DHX40: variants seen among roughly 807,000 people sequenced by gnomAD.
The protein encoded by DHX40 is DEAH-box helicase 40.
DHX40 carries 28 observed loss-of-function variants against 89.6 expected under a neutral mutation model. The ratio of observed to expected loss-of-function variants is 0.31; its 90% CI spans 0.23 to 0.43. DHX40 has a LOEUF of 0.43. Among genes scored for constraint, DHX40 ranks in the 20% least tolerant of loss-of-function variants. The pLI is 1.00. For missense variants in DHX40, 457 were observed against 844.0 expected, an observed-to-expected ratio of 0.54 and a Z score of 5.68; for synonymous variants, 226 against 283.6, an observed-to-expected ratio of 0.80 and a Z score of 2.04.
chr17:59,601,117 C>G (rs2030492793), intron 14 of DHX40, among the ~76,000 whole-genome samples: 1 of 147,378 alleles, frequency 6.8e-6, no homozygotes, highest in Non-Finnish European at 1.5e-5. Flanking sequence ...CCAGCCTGGG[C>G]AACACAGTGA....
chr17:59,601,098 A>G (rs2030490852), intron 14 of DHX40, among the ~76,000 whole-genome samples: 1 of 151,116 alleles, frequency 6.6e-6, no homozygotes, highest in African/African-American at 2.4e-5. Context: ...GAGCCCAGCA[A>G]GTTTGAGACC....
chr17:59,586,079 T>C (rs1215883694), intron 10 of DHX40, 74 bp from the exon 11 acceptor site: 15 of 1,042,174 alleles, frequency 1.4e-5, no homozygotes, highest in Non-Finnish European at 2.0e-5. Context: ...TTAAAGAAAT[T>C]TTCGTCATGT....
At chr17:59,586,461 G>A (rs1373323773) in intron 11 of DHX40, among the ~76,000 whole-genome samples, 1 of 151,876 alleles carries the variant, frequency 6.6e-6, no homozygotes, top group Non-Finnish European at 1.5e-5. Context: ...AGGAGATCGA[G>A]ACCATCCTGG....
chr17:59,588,078 T>C (rs756751354), intron 12 of DHX40, 25 bp downstream of exon 12: 4 of 1,610,826 alleles, frequency 2.5e-6, no homozygotes, highest in Non-Finnish European at 2.5e-6. Flanking sequence ...TTAAGTTGTG[T>C]TTTTTAAAAC....
At chr17:59,569,682 T>A (rs1425283750) in intron 2 of DHX40, among the ~76,000 whole-genome samples, 4 of 139,462 alleles carry the variant, frequency 2.9e-5, no homozygotes, top group Non-Finnish European at 4.5e-5. Flanking sequence ...CAATACTCCG[T>A]CTCAAAAAAG....
At chr17:59,586,984 C>G (rs1161749780) in intron 11 of DHX40, among the ~76,000 whole-genome samples, 1 of 152,032 alleles carries the variant, frequency 6.6e-6, no homozygotes, top group Non-Finnish European at 1.5e-5. Flanking sequence ...TAAAACCCAT[C>G]TCTACTGAAA....
At chr17:59,583,607 G>A (rs1486168963) in intron 10 of DHX40, among the ~76,000 whole-genome samples, 1 of 142,640 alleles carries the variant, frequency 7.0e-6, no homozygotes, top group African/African-American at 2.4e-5. Flanking sequence ...TAGGCCGGGT[G>A]CGGTGGCTCA....
chr17:59,588,151 C>G (rs2049025719), intron 12 of DHX40, 98 bp downstream of exon 12: 12 of 1,512,594 alleles, frequency 7.9e-6, no homozygotes, highest in Non-Finnish European at 1.1e-5. Flanking sequence ...GAGGGCAAGG[C>G]AGGTGGATTG....
intron 12 of DHX40, 142 bp downstream of exon 12, chr17:59,588,195 A>G: frequency 1.1e-6 from 1 of 936,490 alleles, no homozygotes; most frequent in Non-Finnish European, 1.5e-6. Flanking sequence ...CAGCCTTACC[A>G]ACATGGTAAA....
At chr17:59,570,497 C>T (rs2048791268) in intron 2 of DHX40, 21 bp from the exon 3 acceptor site, 1 of 1,577,828 alleles carries the variant, frequency 6.3e-7, no homozygotes, top group African/African-American at 1.4e-5. Context: ...TGTTGTGTTT[C>T]TTTATCTCTG....
rs916516711 is a variant in DHX40 at position 59,565,636 on chromosome 17, C to A, written c.-36C>A. ...TCTTTCCCCTCCCATCTCCTCAGAT[C>A]GGTGGACGTGCTCGCCTCCACTCGG... On this transcript the variant is annotated 5_prime_UTR_variant, in exon 1 of 18. Coordinates refer to ENST00000251241, the MANE Select transcript of DHX40 (RefSeq NM_024612.5). 4 of 1,570,018 alleles carry A rather than the reference C, an allele frequency of 2.5e-6. No individual in the cohort carries two copies. Among genetic ancestry groups the A allele is most frequent in the South Asian group, 1.1e-5 (1 of 88,964 alleles).
At chr17:59,565,829 G>C in intron 1 of DHX40, 46 bp downstream of exon 1, 1 of 1,507,288 alleles carries the variant, frequency 6.6e-7, no homozygotes. Flanking sequence ...GTTACGGCGT[G>C]GGGGTTTTGG....
intron 7 of DHX40, among the ~76,000 whole-genome samples, chr17:59,576,563 A>T (rs2048884438): frequency 6.6e-6 from 1 of 152,122 alleles, no homozygotes; most frequent in East Asian, 1.9e-4. Flanking sequence ...CTATTTTGGA[A>T]ATCTTTTTTA....
At chr17:59,578,990 A>G (rs571049050) in intron 8 of DHX40, among the ~76,000 whole-genome samples, 3,284 of 134,156 alleles carry the variant, frequency 0.024, 113 homozygotes, top group African/African-American at 0.063. Context: ...GTGTGTGTGT[A>G]TATATATATA....
intron 12 of DHX40, among the ~76,000 whole-genome samples, chr17:59,594,975 C>T (rs2029930587): frequency 6.6e-6 from 1 of 152,128 alleles, no homozygotes; most frequent in Admixed American, 6.5e-5. Context: ...AGATGTCTCT[C>T]TAGAAAAGAA....
chr17:59,570,151 ATAATACATATAATATGTTATATAT>A (rs2048777701), intron 2 of DHX40, among the ~76,000 whole-genome samples: 1 of 128,736 alleles, frequency 7.8e-6, no homozygotes, highest in South Asian at 2.1e-4. Context: ...TATAAATTAT[ATAATACATATAATATGTTATATAT>A]TAATATATAT....
chr17:59,574,438 G>C (rs2048852146), intron 6 of DHX40, among the ~76,000 whole-genome samples, 184 bp downstream of exon 6: 1 of 150,518 alleles, frequency 6.6e-6, no homozygotes, highest in Admixed American at 6.7e-5. Flanking sequence ...TGCCAAAGAG[G>C]ATTATATATA....
intron 2 of DHX40, among the ~76,000 whole-genome samples, chr17:59,570,278 TTATATTATATATATTTA>T (rs1042137639): frequency 7.7e-6 from 1 of 130,464 alleles, no homozygotes; most frequent in Non-Finnish European, 1.6e-5. Flanking sequence ...TAAACTGGAT[TTATATTATATATATTTA>T]TATATTATAT....
Position 59,587,877 on chromosome 17 carries a change from A to AGGAGTC in DHX40, c.1425-19_1425-18insGGAGTC. ...TCTCCTAGTGTAGAAAGACTTACAA[A>AGGAGTC]CTTTTTCTTTGTATTAAGGAGTGGC... On this transcript the variant is annotated intron_variant, in intron 11 of 17. Coordinates refer to ENST00000251241, the MANE Select transcript of DHX40 (RefSeq NM_024612.5). The AGGAGTC allele has an allele frequency of 6.2e-7, 1 of 1,600,778 alleles. No homozygotes were observed. The highest frequency in any genetic ancestry group is 8.5e-7 in the Non-Finnish European group (1 of 1,171,134).
Sources: allele counts gnomAD v4.1 joint callset (sites outside exome capture counted in the v4.1 genomes callset), GRCh38; gene constraint gnomAD v4.1.1; transcripts MANE v1.5; gene names NCBI Gene and HGNC (gene_info 2026-07-23, HGNC 2026-07-21).